Variants in CSMD1 observed in about 807,000 individuals in gnomAD.
The protein encoded by CSMD1 is CUB and Sushi multiple domains 1.
A neutral mutation model predicts 417.5 loss-of-function variants in CSMD1; 213 were observed. The observed-to-expected ratio is 0.51, with a 90% CI of 0.46 to 0.57. The LOEUF is 0.57. CSMD1 is among the 20% of genes least tolerant of loss of function. CSMD1 has a pLI of 0.00. For synonymous variants in CSMD1, 2,862 were observed against 1,736.8 expected (o/e 1.65, Z -16.11); for missense variants, 6,923 against 4,529.7 (o/e 1.53, Z -15.17).
At chr8:4,213,386 T>C (rs1800441666) in intron 3 of CSMD1, among the ~76,000 whole-genome samples, 2 of 152,178 alleles carry the variant, frequency 1.3e-5, no homozygotes, top group South Asian at 4.1e-4. Context: ...GAAATTTACA[T>C]GCTTCAATCC....
chr8:3,158,016 T>G, intron 38 of CSMD1, 50 bp from the exon 39 acceptor site: 1 of 1,394,486 alleles, frequency 7.2e-7, no homozygotes, highest in Non-Finnish European at 9.9e-7. Context: ...AACAGAGTAT[T>G]TAAGGATTAA....
At chr8:4,366,475 CTGTTT>C (rs1392091016) in intron 3 of CSMD1, among the ~76,000 whole-genome samples, 1 of 152,086 alleles carries the variant, frequency 6.6e-6, no homozygotes, top group East Asian at 1.9e-4. Context: ...AATAGTAGTC[CTGTTT>C]TAAGTTCTTC....
intron 5 of CSMD1, among the ~76,000 whole-genome samples, chr8:3,758,957 T>C (rs890663097): frequency 1.3e-5 from 2 of 152,208 alleles, no homozygotes; most frequent in African/African-American, 4.8e-5. Context: ...AGTGACGCAT[T>C]GAGGGCTTCA....
In CSMD1 at chr8:4,696,044, C is replaced by G. The variant is rs552712021; in HGVS notation, c.86-58486G>C. Among the ~76,000 whole-genome samples, 148 of 152,296 alleles carry G rather than the reference C, an allele frequency of 9.7e-4. 1 individual carries two copies. The South Asian group carries it at 0.026, about 27-fold the overall frequency. ...GGAGACTTTGAGGAACTTACAGAAT[C>G]TCTATCTTATAAACATGGATTTTAA... On this transcript the variant is annotated intron_variant, in intron 1 of 69. Coordinates refer to ENST00000635120, the MANE Select transcript of CSMD1 (RefSeq NM_033225.6).
At chr8:4,446,111 G>C (rs1798773063) in intron 2 of CSMD1, among the ~76,000 whole-genome samples, 1 of 152,286 alleles carries the variant, frequency 6.6e-6, no homozygotes, top group South Asian at 2.1e-4. Flanking sequence ...AGCAAGTTGT[G>C]ATTTTGTTGT....
intron 5 of CSMD1, among the ~76,000 whole-genome samples, chr8:3,932,634 C>A (rs1291873596): frequency 6.7e-6 from 1 of 150,364 alleles, no homozygotes; most frequent in African/African-American, 2.5e-5. Flanking sequence ...TTTATATTGA[C>A]ATTTTGCATG....
At chr8:4,414,127 A>T (rs1154038) in intron 3 of CSMD1, among the ~76,000 whole-genome samples, 79 of 152,346 alleles carry the variant, frequency 5.2e-4, no homozygotes, top group African/African-American at 1.9e-3. Flanking sequence ...AGGGAGAAAT[A>T]AATCAGTGCT....
chr8:4,714,595 C>T (rs571611862), intron 1 of CSMD1, among the ~76,000 whole-genome samples: 24 of 151,974 alleles, frequency 1.6e-4, no homozygotes, highest in African/African-American at 5.8e-4. Context: ...TTGAATAACA[C>T]AGCTGAGATT....
intron 39 of CSMD1, 101 bp downstream of exon 39, chr8:3,157,796 A>T: frequency 1.0e-6 from 1 of 969,414 alleles, no homozygotes; most frequent in Non-Finnish European, 1.6e-6. Flanking sequence ...GTGTTTTGAA[A>T]TTAAGAAATT....
intron 1 of CSMD1, among the ~76,000 whole-genome samples, chr8:4,938,370 G>C (rs892602438): frequency 6.6e-6 from 1 of 152,098 alleles, no homozygotes; most frequent in African/African-American, 2.4e-5. Flanking sequence ...TCCCAATACA[G>C]CTGTCCTATA....
At chr8:4,179,908 C>G (rs1301795771) in intron 3 of CSMD1, among the ~76,000 whole-genome samples, 1 of 152,086 alleles carries the variant, frequency 6.6e-6, no homozygotes, top group Non-Finnish European at 1.5e-5. Context: ...GAATGGCGAT[C>G]ATTAAAAAGT....
At chr8:3,044,690 G>A (rs1811323375) in intron 50 of CSMD1, among the ~76,000 whole-genome samples, 1 of 151,984 alleles carries the variant, frequency 6.6e-6, no homozygotes, top group Non-Finnish European at 1.5e-5. Context: ...CTGCAAGAAG[G>A]CGGCAAATGG....
At chr8:3,889,787 G>C (rs1459222545) in intron 5 of CSMD1, among the ~76,000 whole-genome samples, 1 of 151,822 alleles carries the variant, frequency 6.6e-6, no homozygotes, top group Non-Finnish European at 1.5e-5. Context: ...GAATTATATA[G>C]GTATCCCATA....
At chr8:4,373,332 T>G (rs761797617) in intron 3 of CSMD1, among the ~76,000 whole-genome samples, 8 of 152,208 alleles carry the variant, frequency 5.3e-5, no homozygotes, top group Non-Finnish European at 8.8e-5. Flanking sequence ...GTATGCGACA[T>G]AGGATTTTTA....
chr8:4,348,811 C>T (rs974860220), intron 3 of CSMD1, among the ~76,000 whole-genome samples: 1 of 152,160 alleles, frequency 6.6e-6, no homozygotes, highest in Non-Finnish European at 1.5e-5. Context: ...ATTTATTCTT[C>T]CAAGACCCAG....
intron 3 of CSMD1, among the ~76,000 whole-genome samples, chr8:4,286,941 A>G (rs750669763): frequency 7.9e-5 from 12 of 152,324 alleles, no homozygotes; most frequent in African/African-American, 1.7e-4. Flanking sequence ...ATAGGAGTCA[A>G]TAACAATTCC....
intron 7 of CSMD1, among the ~76,000 whole-genome samples, chr8:3,626,072 T>A (rs750274336): frequency 6.6e-6 from 1 of 152,204 alleles, no homozygotes; most frequent in Non-Finnish European, 1.5e-5. Context: ...TATAAGAGCC[T>A]GGAGAATCGT....
At chr8:4,764,882 A>AAAAACAAAAAAAAAACAAAACAAAAC (rs1563326782) in intron 1 of CSMD1, among the ~76,000 whole-genome samples, 1 of 47,558 alleles carries the variant, frequency 2.1e-5, no homozygotes, top group African/African-American at 7.6e-5. Flanking sequence ...CAAAAAAAAA[A>AAAAACAAAAAAAAAACAAAACAAAAC]AAAAAAAAAA....
At chr8:4,737,406 G>T (rs761555704) in intron 1 of CSMD1, among the ~76,000 whole-genome samples, 3 of 151,940 alleles carry the variant, frequency 2.0e-5, no homozygotes, top group Non-Finnish European at 4.4e-5. Context: ...TTTAATATCT[G>T]GGTGATGAGA....
Sources: allele counts gnomAD v4.1 joint callset (sites outside exome capture counted in the v4.1 genomes callset), GRCh38; gene constraint gnomAD v4.1.1; transcripts MANE v1.5; gene names NCBI Gene and HGNC (gene_info 2026-07-23, HGNC 2026-07-21).